ZNF765: variants seen among roughly 807,000 people sequenced by gnomAD.
The protein encoded by ZNF765 is zinc finger protein 765.
Under a neutral mutation model 44.7 loss-of-function variants are expected in ZNF765, and 37 were observed. That is an observed-to-expected ratio of 0.83 (90% CI 0.64 to 1.09). ZNF765 has a LOEUF of 1.09. ZNF765 is among the 50% of genes least tolerant of loss of function. The pLI is 0.00. For missense variants in ZNF765, 594 were observed against 626.1 expected (o/e 0.95, Z 0.55); for synonymous variants, 201 against 213.7 (o/e 0.94, Z 0.52).
downstream of ZNF765, among the ~76,000 whole-genome samples, chr19:53,416,482 T>A (rs2085875759): frequency 6.6e-6 from 1 of 152,102 alleles, no homozygotes; most frequent in South Asian, 2.1e-4. Context: ...TTTTTGCAGG[T>A]AACATAAACA....
downstream of ZNF765, among the ~76,000 whole-genome samples, chr19:53,415,703 A>G (rs1047121551): frequency 2.0e-5 from 3 of 152,178 alleles, no homozygotes; most frequent in Non-Finnish European, 2.9e-5. Flanking sequence ...GCCAAAATCA[A>G]GGTCAAAGCC....
At chr19:53,406,547 T>C (rs2085778023) in intron 3 of ZNF765, among the ~76,000 whole-genome samples, 1 of 152,206 alleles carries the variant, frequency 6.6e-6, no homozygotes. Flanking sequence ...ATTTTACTAA[T>C]TAATTTTTAT....
intron 2 of ZNF765, among the ~76,000 whole-genome samples, chr19:53,400,732 G>A (rs1328923990): frequency 7.3e-6 from 1 of 136,726 alleles, no homozygotes; most frequent in East Asian, 2.1e-4. Context: ...CTAGTTTTTT[G>A]TGAGTCTGTG....
chr19:53,414,494 C>CACCACCACCACCA (rs2085862624), downstream of ZNF765, among the ~76,000 whole-genome samples: 1 of 29,146 alleles, frequency 3.4e-5, no homozygotes, highest in Non-Finnish European at 9.2e-5. Flanking sequence ...CACACACCCC[C>CACCACCACCACCA]CCCCCCCCCC....
At chr19:53,403,136 G>A (rs2085744184) in intron 3 of ZNF765, among the ~76,000 whole-genome samples, 1 of 151,748 alleles carries the variant, frequency 6.6e-6, no homozygotes, top group South Asian at 2.1e-4. Flanking sequence ...ACTCCAGACT[G>A]GCGACAGAGC....
chr19:53,422,565 T>G (rs540465617), intron 3 of ZNF765, among the ~76,000 whole-genome samples: 1 of 152,254 alleles, frequency 6.6e-6, no homozygotes, highest in Admixed American at 6.5e-5. Flanking sequence ...TTTATTTTTA[T>G]TTTTATATAT....
chr19:53,409,053 G>A lies in ZNF765; in HGVS notation c.1498G>A (p.Asp500Asn). The A allele has an allele frequency of 6.2e-7, 1 of 1,613,982 alleles. No individual in the cohort carries two copies. ...GAAACCTTACAAATGTGAAGATTGT[G>A]ATGAAGCTTTCAGTTTCAAATCAAA... ...GQKPYKCEDC[D>N]EAFSFKSNLE... Residue 500 changes from aspartate to asparagine, a missense_variant, in exon 4 of 4, where the codon GAT becomes AAT. Asp to Asn is a conservative substitution (Grantham distance 23, BLOSUM62 1). Around this residue, in one of 2 missense-constraint regions of ZNF765, gnomAD observed 567 missense variants for 572.6 expected, o/e 0.99. Transcript: ENST00000396408.
At chr19:53,405,904 T>C (rs1294458559) in intron 3 of ZNF765, among the ~76,000 whole-genome samples, 4 of 7,114 alleles carry the variant, frequency 5.6e-4, no homozygotes, top group Admixed American at 2.9e-3. Flanking sequence ...TAATACCAAC[T>C]ATATATATAT....
At position 53,408,302 on chromosome 19, in the gene ZNF765, C is replaced by G. The variant is rs368731307; in HGVS notation, c.747C>G (p.Gly249=). 3.4e-5 allele frequency: 55 copies of G among 1,614,082 alleles called. No individual in the cohort carries two copies. Among genetic ancestry groups the G allele is most frequent in the Non-Finnish European group, 4.5e-5 (53 of 1,180,050 alleles). Residue 249 remains glycine, a synonymous_variant, in exon 4 of 4, where the codon GGC becomes GGG. Transcript: ENST00000396408. ...AACAATATAAATGCGATATATGTGG[C>G]AAGGTCTTTAATTCGAAGCGATACG... The part of the protein sequence containing the change: ...GEKQYKCDIC[G]KVFNSKRYVA...
At chr19:53,413,696 A>G (rs2085850670), downstream of ZNF765, among the ~76,000 whole-genome samples, 1 of 149,918 alleles carries the variant, frequency 6.7e-6, no homozygotes. Flanking sequence ...GGCTGAGACC[A>G]GGAGTCTCCT....
At chr19:53,402,325 C>T (rs2617638) in intron 3 of ZNF765, 134 bp downstream of exon 3, 220,204 of 1,443,658 alleles carry the variant, frequency 0.15, 18,957 homozygotes, top group East Asian at 0.37. Context: ...GGCATGATCT[C>T]GGCTCACGGC....
chr19:53,416,160 GC>G (rs1162013527), downstream of ZNF765, among the ~76,000 whole-genome samples: 1 of 152,110 alleles, frequency 6.6e-6, no homozygotes, highest in African/African-American at 2.4e-5. Context: ...CACCATGTTG[GC>G]CAGGCTGGTC....
downstream of ZNF765, among the ~76,000 whole-genome samples, chr19:53,415,747 T>C (rs1205317269): frequency 6.6e-6 from 1 of 152,126 alleles, no homozygotes; most frequent in Non-Finnish European, 1.5e-5. Context: ...GGGGGCAGAA[T>C]TCTCTTCTAA....
intron 1 of ZNF765, among the ~76,000 whole-genome samples, chr19:53,395,604 G>A (rs1453616522): frequency 6.6e-6 from 1 of 152,238 alleles, no homozygotes; most frequent in Non-Finnish European, 1.5e-5. Context: ...TCTGGTCCTG[G>A]GATCCTGCAG....
chr19:53,402,813 G>A (rs571236155), intron 3 of ZNF765, among the ~76,000 whole-genome samples: 22 of 152,156 alleles, frequency 1.4e-4, no homozygotes, highest in Middle Eastern at 3.4e-3. Flanking sequence ...ATCCTCCTTA[G>A]TCTCCCGAGT....
At chr19:53,416,936 G>A (rs758266761), downstream of ZNF765, among the ~76,000 whole-genome samples, 4 of 151,870 alleles carry the variant, frequency 2.6e-5, no homozygotes, top group Non-Finnish European at 4.4e-5. Flanking sequence ...TCCTCTCTCA[G>A]CCTTCCAGGT....
At chr19:53,399,752 G>C (rs2147088594) in intron 2 of ZNF765, among the ~76,000 whole-genome samples, 1 of 152,160 alleles carries the variant, frequency 6.6e-6, no homozygotes, top group Non-Finnish European at 1.5e-5. Context: ...AGGGTCATCG[G>C]GGTTTGTTGT....
intron 3 of ZNF765, among the ~76,000 whole-genome samples, chr19:53,405,738 G>T (rs2085766647): frequency 6.6e-6 from 1 of 150,700 alleles, no homozygotes; most frequent in African/African-American, 2.4e-5. Flanking sequence ...CATGGCTTTT[G>T]GCCAATATGA....
chr19:53,399,627 G>A (rs1413704789), intron 2 of ZNF765, among the ~76,000 whole-genome samples: 1 of 151,606 alleles, frequency 6.6e-6, no homozygotes, highest in Non-Finnish European at 1.5e-5. Context: ...ATTGCAGTGA[G>A]CTGAGATTGT....
Sources: gnomAD v4.1 joint callset for allele counts (sites outside exome capture counted in the v4.1 genomes callset) on GRCh38, gnomAD v4.1.1 for gene constraint, gnomAD v4.1.1 regional missense constraint, MANE v1.5 for transcripts, NCBI Gene and HGNC (gene_info 2026-07-23, HGNC 2026-07-21) for gene names.